CFAP91: variants seen among roughly 807,000 people sequenced by gnomAD.
CFAP91 encodes cilia- and flagella-associated protein 91.
Under a neutral mutation model 95.9 loss-of-function variants are expected in CFAP91, and 85 were observed. The ratio of observed to expected loss-of-function variants is 0.89; its 90% CI spans 0.74 to 1.06. CFAP91 has a LOEUF of 1.06. Among genes scored for constraint, CFAP91 ranks in the 50% least tolerant of loss-of-function variants. The probability of loss-of-function intolerance (pLI) is 0.00; values close to 1 mark genes in which losing one functional copy is unlikely to be tolerated. For synonymous variants in CFAP91, 335 were observed against 327.5 expected, an observed-to-expected ratio of 1.02 and a Z score of -0.25; for missense variants, 962 against 943.4, an observed-to-expected ratio of 1.02 and a Z score of -0.26.
In CFAP91 at chr3:119,765,576, C is replaced by G. The variant is rs2054612768; in HGVS notation, c.*526C>G. ...AAACTGGAAACCCAAGTGTCCATCT[C>G]CATCGGAACAGAAAACTATACTTTG... On this transcript the variant is annotated 3_prime_UTR_variant, in exon 18 of 18. Transcript: ENST00000273390. 6.6e-6 allele frequency: 1 copy of G among 152,226 alleles called. No individual in the cohort carries two copies. The highest frequency in any genetic ancestry group is 2.4e-5 in the African/African-American group (1 of 41,460). 9.4% of individuals were successfully genotyped at this position (152,226 alleles called of 1,614,324 possible).
chr3:119,724,890 G>A (rs775464267), intron 6 of CFAP91, among the ~76,000 whole-genome samples: 22 of 152,030 alleles, frequency 1.4e-4, no homozygotes, highest in South Asian at 2.1e-4. Flanking sequence ...GACTACAGGC[G>A]CCCACCACCA....
At chr3:119,729,183 A>T (rs1230385457) in intron 7 of CFAP91, among the ~76,000 whole-genome samples, 3 of 152,202 alleles carry the variant, frequency 2.0e-5, no homozygotes, top group East Asian at 3.8e-4. Flanking sequence ...ATATGACCAG[A>T]CATGAGCCAG....
At position 119,711,505 on chromosome 3, in the gene CFAP91, G is replaced by A. The variant is rs145283662; in HGVS notation, c.500+1610G>A. Among the ~76,000 whole-genome samples the A allele has an allele frequency of 4.9e-3, 749 of 152,278 alleles. 6 individuals carry two copies. Among genetic ancestry groups the A allele is most frequent in the African/African-American group, 0.017 (706 of 41,556 alleles). On this transcript the variant is annotated intron_variant, in intron 5 of 17. Coordinates refer to ENST00000273390, the MANE Select transcript of CFAP91 (RefSeq NM_033364.4). ...AGAGGCCTGCAGTGATGAACACCAT[G>A]ACCTCCCCAACTCCTCCCTAAATAA...
chr3:119,706,570 A>T, intron 1 of CFAP91: 1 of 468,832 alleles, frequency 2.1e-6, no homozygotes. Context: ...TATGAATTCC[A>T]CTTCCGTAAG....
At chr3:119,736,100 A>G (rs749280673) in intron 10 of CFAP91, among the ~76,000 whole-genome samples, 3 of 151,938 alleles carry the variant, frequency 2.0e-5, no homozygotes, top group Non-Finnish European at 4.4e-5. Flanking sequence ...TTAAAAATAT[A>G]TAATTCAGTA....
At chr3:119,704,570 A>G (rs933344406) in intron 1 of CFAP91, among the ~76,000 whole-genome samples, 21 of 152,350 alleles carry the variant, frequency 1.4e-4, no homozygotes, top group African/African-American at 4.6e-4. Flanking sequence ...ATAATATTTT[A>G]GTATAAATTT....
Position 119,751,059 on chromosome 3 carries a change from T to C in CFAP91, c.2266T>C (p.Leu756=). Residue 756 remains leucine (L), a synonymous_variant, in exon 17 of 18, where the codon TTA becomes CTA. Coordinates refer to ENST00000273390, the MANE Select transcript of CFAP91 (RefSeq NM_033364.4). ...AGATGAGGCCTCAAATGCTGCCATG[T>C]TACTTGAGAAAGAAACTCAAAATGA... is the stretch of plus-strand genomic sequence containing the variant. ...EQDEASNAAM[L]LEKETQNENN... 1 of 1,609,798 alleles carries C rather than the reference T, an allele frequency of 6.2e-7. No individual in the cohort carries two copies. The highest frequency in any genetic ancestry group is 8.5e-7 in the Non-Finnish European group (1 of 1,178,660).
At chr3:119,735,649 A>G (rs1398208437) in intron 10 of CFAP91, among the ~76,000 whole-genome samples, 3 of 152,180 alleles carry the variant, frequency 2.0e-5, no homozygotes, top group Non-Finnish European at 4.4e-5. Flanking sequence ...GGACCAGTAT[A>G]TGATTATACA....
chr3:119,723,413 G>A (rs1391456737), intron 6 of CFAP91, among the ~76,000 whole-genome samples: 1 of 152,168 alleles, frequency 6.6e-6, no homozygotes, highest in African/African-American at 2.4e-5. Flanking sequence ...ACCAGTACAA[G>A]GATGTTTGTT....
chr3:119,718,513 C>CT, intron 6 of CFAP91, among the ~76,000 whole-genome samples: 1 of 152,062 alleles, frequency 6.6e-6, no homozygotes, highest in South Asian at 2.1e-4. Flanking sequence ...TGGCTGAGAA[C>CT]TCCCCAGAAC....
chr3:119,762,837 C>T (rs2054562112), intron 17 of CFAP91, among the ~76,000 whole-genome samples: 1 of 152,032 alleles, frequency 6.6e-6, no homozygotes, highest in South Asian at 2.1e-4. Context: ...GGATTAAATA[C>T]TTAAGCATAA....
At chr3:119,719,032 C>T (rs993501189) in intron 6 of CFAP91, among the ~76,000 whole-genome samples, 5 of 151,972 alleles carry the variant, frequency 3.3e-5, no homozygotes, top group Admixed American at 6.6e-5. Context: ...GAAAACAACC[C>T]AAATGTCCAT....
intron 8 of CFAP91, among the ~76,000 whole-genome samples, chr3:119,731,894 C>T (rs2053905233): frequency 6.6e-6 from 1 of 152,204 alleles, no homozygotes; most frequent in African/African-American, 2.4e-5. Context: ...AACCTGTAGT[C>T]TTTGCTTTTG....
intron 10 of CFAP91, among the ~76,000 whole-genome samples, chr3:119,734,679 A>G (rs2053967229): frequency 6.6e-6 from 1 of 152,148 alleles, no homozygotes; most frequent in African/African-American, 2.4e-5. Flanking sequence ...TGATTTACTC[A>G]TATGTTGATT....
At chr3:119,723,488 TAA>T (rs1416467530) in intron 6 of CFAP91, among the ~76,000 whole-genome samples, 6 of 152,128 alleles carry the variant, frequency 3.9e-5, no homozygotes, top group African/African-American at 1.4e-4. Context: ...ATAGATAGCT[TAA>T]ATTGTAATAA....
intron 7 of CFAP91, among the ~76,000 whole-genome samples, chr3:119,729,331 A>G (rs1029329360): frequency 1.3e-5 from 2 of 152,146 alleles, no homozygotes; most frequent in African/African-American, 4.8e-5. Context: ...AGATTCAAAT[A>G]GATGGAAATT....
In CFAP91 at chr3:119,704,353, G is replaced by T. The variant is rs74410037; in HGVS notation, c.124+1131G>T. Among the ~76,000 whole-genome samples, 355 of 152,274 alleles carry T rather than the reference G, an allele frequency of 2.3e-3. 1 individual carries two copies. The highest frequency in any genetic ancestry group is 8.1e-3 in the African/African-American group (338 of 41,546). On this transcript the variant is annotated intron_variant, in intron 1 of 17. Transcript: ENST00000273390. ...AGTAGATCAAATAAAAGTTTGGATT[G>T]TTATAAAACAATCTCGCCGCTAGTC... is the stretch of plus-strand genomic sequence containing the variant.
rs2053500793 is a variant in CFAP91 at position 119,712,989 on chromosome 3, AT to A, written c.501-2570del. 1.3e-5 allele frequency among the ~76,000 whole-genome samples: 2 copies of A among 151,764 alleles called. 1 individual carries two copies. The highest frequency in any genetic ancestry group is 6.8e-3 in the Middle Eastern group (2 of 292). The stretch of plus-strand genomic sequence containing the variant: ...AACAAGACAAAAAAAAAAAACAACT[AT>A]TTAAAGTACTTGCTCCAGCACAGGT... On this transcript the variant is annotated intron_variant, in intron 5 of 17. Coordinates refer to ENST00000273390, the MANE Select transcript of CFAP91 (RefSeq NM_033364.4).
intron 4 of CFAP91, among the ~76,000 whole-genome samples, chr3:119,709,137 G>T (rs748029833): frequency 6.6e-6 from 1 of 152,068 alleles, no homozygotes; most frequent in Non-Finnish European, 1.5e-5. Context: ...AAGGCCAAAA[G>T]GTTCATTTTA....
Sources: allele counts gnomAD v4.1 joint callset (sites outside exome capture counted in the v4.1 genomes callset), GRCh38; gene constraint gnomAD v4.1.1; transcripts MANE v1.5; gene names NCBI Gene and HGNC (gene_info 2026-07-23, HGNC 2026-07-21).